Variants in MACF1 observed in about 807,000 individuals in gnomAD.
The protein encoded by MACF1 is microtubule-actin cross-linking factor 1.
In MACF1, 193 loss-of-function variants were observed where a neutral mutation model predicts 854.8. The ratio of observed to expected loss-of-function variants is 0.23; its 90% confidence interval spans 0.20 to 0.25. The LOEUF is 0.25. MACF1 is among the 10% of genes least tolerant of loss of function. The pLI is 1.00. For missense variants in MACF1, 7,722 were observed against 8,929.1 expected (o/e 0.86, Z 5.45); for synonymous variants, 3,185 against 3,226.7 (o/e 0.99, Z 0.44).
intron 90 of MACF1, chr1:39,458,753 G>T: frequency 1.9e-6 from 1 of 513,082 alleles, no homozygotes; most frequent in Admixed American, 3.6e-5. Flanking sequence ...TTGGTTATCA[G>T]CCCTAGCTGT....
chr1:39,429,180 C>G, intron 63 of MACF1, 62 bp from the exon 64 acceptor site: 1 of 836,684 alleles, frequency 1.2e-6, no homozygotes, highest in Non-Finnish European at 2.0e-6. Context: ...TCTTAAAGGT[C>G]TCGCATTTTG....
intron 2 of MACF1, among the ~76,000 whole-genome samples, chr1:39,151,883 A>G (rs570755344): frequency 6.6e-6 from 1 of 152,286 alleles, no homozygotes; most frequent in South Asian, 2.1e-4. Flanking sequence ...CTGCTTGTTG[A>G]GTATATGAAT....
chr1:39,359,039 A>T, intron 46 of MACF1, 102 bp from the exon 47 acceptor site: 1 of 1,484,428 alleles, frequency 6.7e-7, no homozygotes, highest in Non-Finnish European at 9.2e-7. Context: ...GGCTATGGTT[A>T]AACTTACAAT....
chr1:39,101,369 AAT>A (rs1491422065), intron 2 of MACF1, among the ~76,000 whole-genome samples: 3 of 89,276 alleles, frequency 3.4e-5, no homozygotes, highest in African/African-American at 1.2e-4. Flanking sequence ...AAAAAAAAAA[AAT>A]ATGTATATAT....
intron 1 of MACF1, among the ~76,000 whole-genome samples, chr1:39,214,678 T>C (rs1339874578): frequency 6.6e-6 from 1 of 152,194 alleles, no homozygotes; most frequent in African/African-American, 2.4e-5. Context: ...ACTGGGGAGT[T>C]ACTGACTCTT....
intron 59 of MACF1, 80 bp downstream of exon 59, chr1:39,422,615 C>A: frequency 6.5e-7 from 1 of 1,541,768 alleles, no homozygotes; most frequent in Non-Finnish European, 8.8e-7. Flanking sequence ...TTTCCCGAAA[C>A]CTGAATGGAA....
At chr1:39,454,258 A>T (rs1182164640) in intron 88 of MACF1, among the ~76,000 whole-genome samples, 7 of 152,202 alleles carry the variant, frequency 4.6e-5, no homozygotes, top group Non-Finnish European at 1.0e-4. Context: ...TACAGTATTC[A>T]CGGGAAGCGA....
At chr1:39,287,690 A>G (rs1418537586) in intron 15 of MACF1, 128 bp downstream of exon 15, 1 of 1,060,790 alleles carries the variant, frequency 9.4e-7, no homozygotes, top group African/African-American at 1.6e-5. Flanking sequence ...CTTTTATTTG[A>G]GTGATGGGGT....
upstream of MACF1, among the ~76,000 whole-genome samples, chr1:39,202,987 T>C (rs1644410927): frequency 6.6e-6 from 1 of 152,122 alleles, no homozygotes; most frequent in South Asian, 2.1e-4. Context: ...GGGTAGTAGG[T>C]TATGCACATC....
intron 2 of MACF1, among the ~76,000 whole-genome samples, chr1:39,130,967 G>A (rs1332144828): frequency 6.6e-6 from 1 of 151,016 alleles, no homozygotes. Context: ...TCAGCCTCCC[G>A]AGGAGCTGGG....
chr1:39,375,248 A>G (rs1649614891), intron 52 of MACF1, among the ~76,000 whole-genome samples: 1 of 152,180 alleles, frequency 6.6e-6, no homozygotes, highest in South Asian at 2.1e-4. Context: ...TAACGAATAT[A>G]AAAATTTGAA....
intron 97 of MACF1, among the ~76,000 whole-genome samples, chr1:39,476,879 G>A (rs1023033481): frequency 1.6e-4 from 24 of 151,208 alleles, no homozygotes; most frequent in Admixed American, 4.6e-4. Context: ...ATCACCTGGG[G>A]TCAGGTCAGT....
At position 39,105,659 on chromosome 1, in the gene MACF1, C is replaced by T; in HGVS notation, c.220+21221C>T. ...ACGTGCCGGGTCAGCAGCCGGCCAACCGCAGCCAGGAGAAGGAGTTCGTGC... is the reference window on the plus strand; with the variant it reads ...ACGTGCCGGGTCAGCAGCCGGCCAATCGCAGCCAGGAGAAGGAGTTCGTGC... On this transcript the variant is annotated intron_variant, in intron 2 of 93. Coordinates refer to the MACF1 transcript ENST00000361689. The surrounding 1 kb of genome is among the most constrained non-coding windows in gnomAD (Gnocchi z 5.9). The T allele has an allele frequency of 8.1e-7, 1 of 1,237,110 alleles. No homozygotes were observed. Among genetic ancestry groups the T allele is most frequent in the African/African-American group, 1.6e-5 (1 of 61,640 alleles). 76.6% of individuals were successfully genotyped at this position (1,237,110 alleles called of 1,614,324 possible).
At chr1:39,443,626 CT>C in intron 79 of MACF1, 52 bp downstream of exon 79, 1 of 1,527,766 alleles carries the variant, frequency 6.5e-7, no homozygotes. Context: ...TCACTAGCTC[CT>C]TTCCAAGTTC....
At chr1:39,196,848 G>T (rs756521443) in intron 2 of MACF1, among the ~76,000 whole-genome samples, 79 of 152,294 alleles carry the variant, frequency 5.2e-4, no homozygotes, top group Admixed American at 1.0e-3. Context: ...GTTGCCTTGT[G>T]TTGAGATTTC....
chr1:39,390,464 C>G (rs1034711753), intron 58 of MACF1, among the ~76,000 whole-genome samples: 7 of 152,154 alleles, frequency 4.6e-5, no homozygotes, highest in Non-Finnish European at 8.8e-5. Context: ...TGGCTGAAGG[C>G]CTTCTTACCA....
intron 2 of MACF1, among the ~76,000 whole-genome samples, chr1:39,095,519 C>T (rs866311098): frequency 7.3e-5 from 10 of 137,388 alleles, no homozygotes; most frequent in African/African-American, 1.7e-4. Context: ...GCTGAGATCG[C>T]GCCACTGCAC....
chr1:39,167,477 T>G (rs1377247120), intron 2 of MACF1, among the ~76,000 whole-genome samples: 1 of 151,028 alleles, frequency 6.6e-6, no homozygotes, highest in African/African-American at 2.4e-5. Context: ...GAGGCCGAGG[T>G]GAGCGGATCA....
At chr1:39,441,420 C>A in intron 74 of MACF1, 95 bp downstream of exon 74, 1 of 935,416 alleles carries the variant, frequency 1.1e-6, no homozygotes, top group Non-Finnish European at 1.7e-6. Flanking sequence ...GGATCACCTT[C>A]ACAGGACTGC....
Sources: allele counts gnomAD v4.1 joint callset (sites outside exome capture counted in the v4.1 genomes callset), GRCh38; gene constraint gnomAD v4.1.1; non-coding constraint Gnocchi (gnomAD v3.1); transcripts MANE v1.5; gene names NCBI Gene and HGNC (gene_info 2026-07-23, HGNC 2026-07-21).